Variants in SRGAP2B observed in about 807,000 individuals in gnomAD.
SRGAP2B encodes the protein SLIT-ROBO Rho GTPase activating protein 2B.
Under a neutral mutation model 22.2 loss-of-function variants are expected in SRGAP2B, and 9 were observed. That is an observed-to-expected ratio of 0.41 (90% CI 0.24 to 0.71). The LOEUF (loss-of-function observed/expected upper bound fraction) is 0.71, where lower values mean the gene tolerates loss of function less well. Among genes scored for constraint, SRGAP2B ranks in the 30% least tolerant of loss-of-function variants. SRGAP2B has a pLI of 0.35. For missense variants in SRGAP2B, 114 were observed against 235.8 expected (o/e 0.48, Z 3.38); for synonymous variants, 36 against 87.4 (o/e 0.41, Z 3.28).
intron 9 of SRGAP2B, among the ~76,000 whole-genome samples, chr1:144,892,664 TTATAA>T (rs1287058541): frequency 6.7e-6 from 1 of 149,184 alleles, no homozygotes; most frequent in Non-Finnish European, 1.5e-5. Context: ...ATTAGCATTA[TTATAA>T]TATTATATAA....
intron 2 of SRGAP2B, among the ~76,000 whole-genome samples, chr1:145,066,611 C>T (rs1286452672): frequency 6.6e-6 from 1 of 150,666 alleles, no homozygotes; most frequent in Non-Finnish European, 1.5e-5. Context: ...AGACTATCTG[C>T]TTGCTCACCT....
chr1:145,019,167 A>T (rs1343136299), intron 2 of SRGAP2B, among the ~76,000 whole-genome samples: 1 of 15,348 alleles, frequency 6.5e-5, no homozygotes, highest in Admixed American at 1.2e-3. Flanking sequence ...AAATAAGGAG[A>T]CCTTGTCTCT....
chr1:144,944,757 G>A (rs1339288806), intron 4 of SRGAP2B, among the ~76,000 whole-genome samples: 5 of 139,772 alleles, frequency 3.6e-5, no homozygotes, highest in African/African-American at 1.4e-4. Context: ...TGTCTCCCAG[G>A]CTGGAGTGCA....
intron 4 of SRGAP2B, among the ~76,000 whole-genome samples, chr1:144,940,636 T>A (rs1388214364): frequency 1.4e-5 from 2 of 142,858 alleles, no homozygotes; most frequent in Non-Finnish European, 1.5e-5. Flanking sequence ...CCACCTCTAC[T>A]AAAAAAACAC....
At chr1:144,951,157 GTTTT>G (rs1195691979) in intron 4 of SRGAP2B, among the ~76,000 whole-genome samples, 1 of 146,252 alleles carries the variant, frequency 6.8e-6, no homozygotes, top group African/African-American at 2.5e-5. Flanking sequence ...CCTCTGTTTT[GTTTT>G]TTGTTTTTTG....
intron 3 of SRGAP2B, among the ~76,000 whole-genome samples, chr1:144,991,205 G>C (rs1309856235): frequency 6.7e-6 from 1 of 149,502 alleles, no homozygotes; most frequent in Non-Finnish European, 1.5e-5. Flanking sequence ...AGGTTTGTGA[G>C]TGCACCAATC....
At chr1:145,016,950 G>GT (rs1278806205) in intron 2 of SRGAP2B, among the ~76,000 whole-genome samples, 3 of 144,028 alleles carry the variant, frequency 2.1e-5, no homozygotes, top group South Asian at 2.2e-4. Context: ...CCGGGTTCAA[G>GT]TTTTTTTTGT....
chr1:145,041,043 A>T (rs1649165347), intron 2 of SRGAP2B, among the ~76,000 whole-genome samples: 1 of 124,270 alleles, frequency 8.0e-6, no homozygotes, highest in Non-Finnish European at 1.6e-5. Flanking sequence ...TCACCATCTG[A>T]AAAAATATCA....
chr1:144,910,476 C>T (rs1570722309), intron 5 of SRGAP2B, among the ~76,000 whole-genome samples: 1 of 149,372 alleles, frequency 6.7e-6, no homozygotes, highest in Non-Finnish European at 1.5e-5. Context: ...GTGCTAAATA[C>T]CAGTCTGAAG....
chr1:145,030,303 C>T (rs1188714778), intron 2 of SRGAP2B, among the ~76,000 whole-genome samples: 1 of 150,424 alleles, frequency 6.6e-6, no homozygotes, highest in African/African-American at 2.5e-5. Context: ...CGTTATTCTT[C>T]CATCCTTTCC....
chr1:145,090,138 T>G (rs1188419003), intron 2 of SRGAP2B, among the ~76,000 whole-genome samples: 1 of 147,392 alleles, frequency 6.8e-6, no homozygotes, highest in African/African-American at 2.7e-5. Context: ...GAGTCCCATA[T>G]AACACACAAA....
chr1:144,964,399 T>G (rs1297240773), intron 3 of SRGAP2B, among the ~76,000 whole-genome samples: 2 of 148,854 alleles, frequency 1.3e-5, no homozygotes, highest in Non-Finnish European at 3.0e-5. Flanking sequence ...TGCTCCAGTG[T>G]GTATCTGTGC....
Position 144,970,270 on chromosome 1 carries a change from G to A in SRGAP2B, c.261-14669C>T, listed in dbSNP as rs587731557. ...CCCAAATGTCCAACAATGATAGACTGGATTAAGAAAATGTGGCACATATAC... is the reference window on the plus strand; with the variant it reads ...CCCAAATGTCCAACAATGATAGACTAGATTAAGAAAATGTGGCACATATAC... On this transcript the variant is annotated intron_variant, in intron 3 of 9. Transcript: ENST00000612199. Among the ~76,000 whole-genome samples, 262 of 110,390 alleles carry A rather than the reference G, an allele frequency of 2.4e-3. 4 individuals carry two copies. Among genetic ancestry groups the A allele is most frequent in the African/African-American group, 9.2e-3 (237 of 25,680 alleles). 72.4% of individuals were successfully genotyped at this position (110,390 alleles called of 152,430 possible).
At chr1:144,993,605 G>A (rs1443366381) in intron 3 of SRGAP2B, among the ~76,000 whole-genome samples, 1 of 149,340 alleles carries the variant, frequency 6.7e-6, no homozygotes, top group African/African-American at 2.5e-5. Context: ...CTACTCAGGA[G>A]GTAGGCTGAG....
At chr1:144,944,355 G>C in intron 4 of SRGAP2B, among the ~76,000 whole-genome samples, 1 of 150,326 alleles carries the variant, frequency 6.7e-6, no homozygotes. Flanking sequence ...ACAATAATTT[G>C]GAGGCTGAAG....
At chr1:145,030,294 G>C (rs547523) in intron 2 of SRGAP2B, among the ~76,000 whole-genome samples, 1 of 149,944 alleles carries the variant, frequency 6.7e-6, no homozygotes, top group African/African-American at 2.5e-5. Context: ...ATTTACACAC[G>C]TTATTCTTCC....
At chr1:145,020,764 A>T (rs1365077710) in intron 2 of SRGAP2B, among the ~76,000 whole-genome samples, 1 of 150,782 alleles carries the variant, frequency 6.6e-6, no homozygotes. Context: ...CCTACTTGGT[A>T]GTGGCTAAAA....
intron 4 of SRGAP2B, among the ~76,000 whole-genome samples, chr1:144,921,269 CAAAAAAAAAAAAA>C (rs3975927): frequency 8.0e-5 from 5 of 62,314 alleles, no homozygotes; most frequent in African/African-American, 2.7e-4. Context: ...TCTAGCTTGC[CAAAAAAAAAAAAA>C]AAAAAAAAAA....
chr1:144,924,780 C>T (rs1435751840), intron 4 of SRGAP2B, among the ~76,000 whole-genome samples: 2 of 144,166 alleles, frequency 1.4e-5, no homozygotes, highest in South Asian at 2.2e-4. Flanking sequence ...AGTTGTCAGG[C>T]GCAGTATCCA....
Sources: allele counts gnomAD v4.1 joint callset (sites outside exome capture counted in the v4.1 genomes callset), GRCh38; gene constraint gnomAD v4.1.1; transcripts MANE v1.5; gene names NCBI Gene and HGNC (gene_info 2026-07-23, HGNC 2026-07-21).